DNER: variants seen among roughly 807,000 people sequenced by gnomAD.
DNER encodes the protein delta and Notch-like epidermal growth factor-related receptor.
In DNER, 33 loss-of-function variants were observed where a neutral mutation model predicts 78.2. The ratio of observed to expected loss-of-function variants is 0.42; its 90% CI spans 0.32 to 0.56. DNER has a LOEUF of 0.56. Among genes scored for constraint, DNER ranks in the 20% least tolerant of loss-of-function variants. The pLI is 0.11. For missense variants in DNER, 918 were observed against 975.3 expected (o/e 0.94, Z 0.78); for synonymous variants, 417 against 384.8 (o/e 1.08, Z -0.98).
chr2:229,588,257 G>T, intron 3 of DNER, 137 bp downstream of exon 3: 1 of 705,682 alleles, frequency 1.4e-6, no homozygotes. Flanking sequence ...CAAATGGCAG[G>T]GGCCACATCT....
intron 2 of DNER, 23 bp from the exon 3 acceptor site, chr2:229,588,511 A>C (rs767030631): frequency 7.9e-7 from 1 of 1,269,408 alleles, no homozygotes; most frequent in Non-Finnish European, 1.1e-6. Flanking sequence ...AAAAAAAACG[A>C]CATATGATTG....
intron 1 of DNER, among the ~76,000 whole-genome samples, chr2:229,599,230 T>C (rs1697781846): frequency 6.6e-6 from 1 of 152,148 alleles, no homozygotes; most frequent in Non-Finnish European, 1.5e-5. Flanking sequence ...GGGGAATTTG[T>C]GTATGGTATT....
rs11894816 is a variant in DNER at position 229,578,367 on chromosome 2, G to C, written c.847+7491C>G. 8.1e-3 allele frequency among the ~76,000 whole-genome samples: 1,241 copies of C among 152,330 alleles called. 12 individuals carry two copies. Among genetic ancestry groups the C allele is most frequent in the African/African-American group, 0.029 (1,187 of 41,564 alleles). The stretch of plus-strand genomic sequence containing the variant: ...AATGGAACAGGAGGGCAGCTAGGGA[G>C]TGGCAGGATCTGGCCTTTTTATCTC... On this transcript the variant is annotated intron_variant, in intron 4 of 12. Transcript: ENST00000341772.
At chr2:229,431,618 A>C (rs1694008676) in intron 8 of DNER, among the ~76,000 whole-genome samples, 1 of 140,116 alleles carries the variant, frequency 7.1e-6, no homozygotes, top group Non-Finnish European at 1.5e-5. Context: ...GTTTAACAAA[A>C]GAGGAGGACT....
rs114020271 is a variant in DNER at position 229,421,776 on chromosome 2, A to G, written c.1487-3546T>C. Among the ~76,000 whole-genome samples the G allele has an allele frequency of 4.9e-3, 740 of 152,114 alleles. 7 individuals are homozygous for G. Among genetic ancestry groups the G allele is most frequent in the African/African-American group, 0.016 (677 of 41,506 alleles). ...CTTTTTGAGGTCATTGTGGAGTACA[A>G]TCACCAGCAGCACCTTTTCAATTGC... On this transcript the variant is annotated intron_variant, in intron 8 of 12. Transcript: ENST00000341772.
At chr2:229,584,218 T>G (rs1229629777) in intron 4 of DNER, among the ~76,000 whole-genome samples, 3 of 151,814 alleles carry the variant, frequency 2.0e-5, no homozygotes, top group Non-Finnish European at 4.4e-5. Flanking sequence ...TGTACATTCG[T>G]TATCTAATTT....
At chr2:229,628,246 G>A (rs1698378466) in intron 1 of DNER, among the ~76,000 whole-genome samples, 1 of 152,086 alleles carries the variant, frequency 6.6e-6, no homozygotes, top group South Asian at 2.1e-4. Context: ...ACAGTACCAG[G>A]GCACCAGCTG....
intron 4 of DNER, among the ~76,000 whole-genome samples, chr2:229,575,730 C>T (rs1258736571): frequency 6.6e-6 from 1 of 152,132 alleles, no homozygotes; most frequent in Admixed American, 6.5e-5. Flanking sequence ...ATGGAATGCT[C>T]GGGGTATCAC....
chr2:229,547,877 C>T (rs1233296267), intron 4 of DNER, among the ~76,000 whole-genome samples: 1 of 152,106 alleles, frequency 6.6e-6, no homozygotes, highest in Non-Finnish European at 1.5e-5. Flanking sequence ...TAAATATAGC[C>T]TCTAACTGGA....
intron 1 of DNER, among the ~76,000 whole-genome samples, chr2:229,674,909 G>A (rs1699276870): frequency 6.6e-6 from 1 of 152,206 alleles, no homozygotes. Flanking sequence ...ATCACCTTGT[G>A]CTTACCAGGG....
At chr2:229,480,927 G>A (rs1025272093) in intron 6 of DNER, among the ~76,000 whole-genome samples, 2 of 152,242 alleles carry the variant, frequency 1.3e-5, no homozygotes, top group African/African-American at 2.4e-5. Flanking sequence ...TGACATGTCT[G>A]TGGGTTCAGT....
intron 6 of DNER, among the ~76,000 whole-genome samples, chr2:229,479,726 A>AAC (rs1559362927): frequency 7.5e-6 from 1 of 132,652 alleles, no homozygotes; most frequent in Non-Finnish European, 1.7e-5. Context: ...AAAAAAAAAA[A>AAC]AAAAACAAAA....
intron 1 of DNER, among the ~76,000 whole-genome samples, chr2:229,678,143 G>A (rs990009745): frequency 6.6e-6 from 1 of 152,154 alleles, no homozygotes. Flanking sequence ...ACCATGCATG[G>A]CAGCAAGCAA....
intron 1 of DNER, among the ~76,000 whole-genome samples, chr2:229,651,408 ACTTG>A (rs1698814881): frequency 6.6e-6 from 1 of 152,250 alleles, no homozygotes; most frequent in Admixed American, 6.5e-5. Flanking sequence ...CTCAGAGGAC[ACTTG>A]CGTGTCCTCT....
At chr2:229,617,604 A>C (rs770310873) in intron 1 of DNER, among the ~76,000 whole-genome samples, 2 of 152,334 alleles carry the variant, frequency 1.3e-5, no homozygotes, top group South Asian at 2.1e-4. Flanking sequence ...TCCATACTTC[A>C]TAAAGAAGAC....
intron 8 of DNER, among the ~76,000 whole-genome samples, chr2:229,437,594 T>TC (rs972630343): frequency 1.3e-5 from 2 of 152,164 alleles, no homozygotes; most frequent in African/African-American, 4.8e-5. Context: ...ACAATATATC[T>TC]CAAACATCAC....
At chr2:229,684,163 AGAGAGAGTGTGTGT>A (rs1477163200) in intron 1 of DNER, among the ~76,000 whole-genome samples, 8 of 130,428 alleles carry the variant, frequency 6.1e-5, no homozygotes, top group East Asian at 2.2e-4. Flanking sequence ...AGAGAGAGAG[AGAGAGAGTGTGTGT>A]GTGTGTGTGT....
At chr2:229,557,416 G>A (rs1260546020) in intron 4 of DNER, among the ~76,000 whole-genome samples, 2 of 152,214 alleles carry the variant, frequency 1.3e-5, no homozygotes, top group Non-Finnish European at 2.9e-5. Flanking sequence ...ACTGATCAGA[G>A]ACGAAAACCA....
intron 10 of DNER, among the ~76,000 whole-genome samples, chr2:229,393,198 C>A (rs377370905): frequency 6.6e-6 from 1 of 151,850 alleles, no homozygotes; most frequent in Non-Finnish European, 1.5e-5. Flanking sequence ...GAGTCTGAGG[C>A]GGGCTGATCA....
Sources: allele counts gnomAD v4.1 joint callset (sites outside exome capture counted in the v4.1 genomes callset), GRCh38; gene constraint gnomAD v4.1.1; transcripts MANE v1.5; gene names NCBI Gene and HGNC (gene_info 2026-07-23, HGNC 2026-07-21).